The following COL4A3 variants were observed in gnomAD, a reference collection of about 807,000 sequenced individuals.
COL4A3 encodes the protein collagen alpha-3(IV) chain.
A neutral mutation model predicts 217.4 loss-of-function variants in COL4A3; 135 were observed. That is an observed-to-expected ratio of 0.62 (90% CI 0.54 to 0.72). The LOEUF is 0.72. COL4A3 is among the 30% of genes least tolerant of loss of function. COL4A3 has a pLI of 0.00. For synonymous variants in COL4A3, 690 were observed against 736.3 expected, an observed-to-expected ratio of 0.94 and a Z score of 1.02; for missense variants, 1,868 against 2,119.9, an observed-to-expected ratio of 0.88 and a Z score of 2.33.
In COL4A3 at chr2:227,269,447, T is replaced by C. The variant is rs182110981; in HGVS notation, c.1505-463T>C. On this transcript the variant is annotated intron_variant, in intron 23 of 51. Transcript: ENST00000396578. Reference sequence around the variant, plus strand: ...CATGCAGCCATTTAAAATGAAGCTATAAATTCATACTTATTGACATATGTA... The same window carrying C: ...CATGCAGCCATTTAAAATGAAGCTACAAATTCATACTTATTGACATATGTA... Among the ~76,000 whole-genome samples, 123 of 152,304 alleles carry C rather than the reference T, an allele frequency of 8.1e-4. No individual in the cohort carries two copies. In the East Asian group the frequency reaches 0.021, roughly 26 times the overall value.
At position 227,244,997 on chromosome 2, in the gene COL4A3, T is replaced by C; in HGVS notation, c.324+2T>C. On this transcript the variant is annotated splice_donor_variant, in intron 5 of 51. Coordinates refer to ENST00000396578, the MANE Select transcript of COL4A3 (RefSeq NM_000091.5). LOFTEE classifies it high-confidence loss of function. ...TTTTCTGGTTCTCCTGGACTTCCAG[T>C]AAGTAATGGGAAAAATCCGTAGCTA... The C allele has an allele frequency of 6.2e-7, 1 of 1,612,844 alleles. No homozygotes were observed. Among genetic ancestry groups the C allele is most frequent in the Non-Finnish European group, 8.5e-7 (1 of 1,179,060 alleles).
At chr2:227,264,374 C>T (rs1239356421) in intron 21 of COL4A3, among the ~76,000 whole-genome samples, 2 of 152,192 alleles carry the variant, frequency 1.3e-5, no homozygotes, top group Non-Finnish European at 2.9e-5. Flanking sequence ...CATCCTCCCA[C>T]TTCCAGGCTG....
chr2:227,184,117 G>A (rs2065940691), intron 1 of COL4A3, among the ~76,000 whole-genome samples: 1 of 152,144 alleles, frequency 6.6e-6, no homozygotes, highest in Non-Finnish European at 1.5e-5. Flanking sequence ...ACAATAGTCT[G>A]GCCAGCAGAA....
intron 38 of COL4A3, chr2:227,294,225 A>C (rs1032070462): frequency 2.2e-6 from 1 of 449,286 alleles, no homozygotes; most frequent in Non-Finnish European, 4.0e-6. Flanking sequence ...ATTTGCATTT[A>C]ACTCGCAATT....
intron 1 of COL4A3, among the ~76,000 whole-genome samples, chr2:227,198,676 C>A (rs1015457524): frequency 6.6e-6 from 1 of 152,068 alleles, no homozygotes; most frequent in Non-Finnish European, 1.5e-5. Context: ...GAATTCCCAT[C>A]ATGGTGGTAG....
In COL4A3 at chr2:227,289,999, GC is replaced by G; in HGVS notation, c.2985del (p.Arg996GlufsTer158). The G allele has an allele frequency of 1.2e-6, 2 of 1,613,944 alleles. No individual in the cohort carries two copies. Among genetic ancestry groups the G allele is most frequent in the Non-Finnish European group, 1.7e-6 (2 of 1,179,842 alleles). On this transcript the variant is annotated frameshift_variant and splice_region_variant, in exon 36 of 52. Coordinates refer to ENST00000396578, the MANE Select transcript of COL4A3 (RefSeq NM_000091.5). LOFTEE classifies it high-confidence loss of function. ...KGLPGPAGPP[G>X]PRGDLGSTGN... ...CAATAACTACTTATTTGTTCTCAAGGCCCCAGAGGAGATTTGGGCAGCACTG... is the reference window on the plus strand; with the variant it reads ...CAATAACTACTTATTTGTTCTCAAGGCCCAGAGGAGATTTGGGCAGCACTG...
At chr2:227,195,944 TAAAC>T (rs982533030) in intron 1 of COL4A3, among the ~76,000 whole-genome samples, 5 of 151,458 alleles carry the variant, frequency 3.3e-5, no homozygotes. Context: ...AATAAATAAA[TAAAC>T]AATTTAAAAA....
At chr2:227,243,753 T>G (rs1291021464) in intron 3 of COL4A3, among the ~76,000 whole-genome samples, 1 of 152,266 alleles carries the variant, frequency 6.6e-6, no homozygotes, top group Non-Finnish European at 1.5e-5. Flanking sequence ...CGAAACTGAA[T>G]GCATTACATG....
chr2:227,170,056 A>G (rs1212205709), intron 1 of COL4A3, among the ~76,000 whole-genome samples: 1 of 152,164 alleles, frequency 6.6e-6, no homozygotes, highest in Non-Finnish European at 1.5e-5. Context: ...AGGTCCATCA[A>G]AGATTTCTGT....
chr2:227,267,176 C>A, intron 23 of COL4A3, 88 bp downstream of exon 23: 6 of 932,464 alleles, frequency 6.4e-6, no homozygotes, highest in Non-Finnish European at 1.1e-5. Context: ...TGGTGGATGT[C>A]ACAACGTGGT....
chr2:227,285,964 T>C (rs1020726735), intron 34 of COL4A3, among the ~76,000 whole-genome samples: 2 of 152,224 alleles, frequency 1.3e-5, no homozygotes, highest in East Asian at 3.8e-4. Context: ...GACTTAAAGC[T>C]ATTCACTTCA....
At chr2:227,211,713 A>G (rs1186887027) in intron 1 of COL4A3, among the ~76,000 whole-genome samples, 1 of 150,830 alleles carries the variant, frequency 6.6e-6, no homozygotes, top group African/African-American at 2.5e-5. Context: ...GCTGGAGTGC[A>G]GTGGTGCAAT....
rs910343678 is a variant in COL4A3, at chr2:227,253,615, C to G, written c.742C>G (p.Leu248Val). ...ACCACCAGGAACAGTTATTGTGACCCTAACTGGCCCAGATAACAGAACGGT... is the reference window on the plus strand; with the variant it reads ...ACCACCAGGAACAGTTATTGTGACCGTAACTGGCCCAGATAACAGAACGGT... ...PGPPGTVIVT[L>V]TGPDNRTDLK... The change falls in exon 13 of 52, where the codon CTA (leucine) becomes GTA (valine). Residue 248 changes from leucine to valine, a missense_variant. By Grantham distance (32) the Leu-to-Val change is conservative (BLOSUM62 1). Coordinates refer to ENST00000396578, the MANE Select transcript of COL4A3 (RefSeq NM_000091.5). The surrounding 1 kb of genome is among the most constrained non-coding windows in gnomAD (Gnocchi z 4.4). The G allele has an allele frequency of 6.2e-7, 1 of 1,613,938 alleles. No homozygotes were observed. The highest frequency in any genetic ancestry group is 1.3e-5 in the African/African-American group (1 of 74,882).
chr2:227,274,110 A>T (rs111917100), intron 26 of COL4A3, among the ~76,000 whole-genome samples: 9,211 of 151,976 alleles, frequency 0.061, 398 homozygotes, highest in African/African-American at 0.11. Context: ...GGTGGCACAT[A>T]CCCACAGTCC....
intron 23 of COL4A3, chr2:227,268,291 A>G (rs1188492231): frequency 1.3e-5 from 2 of 152,302 alleles, no homozygotes; most frequent in African/African-American, 4.8e-5. Flanking sequence ...AAGCTGAGGC[A>G]TCAGGTGGCA....
intron 32 of COL4A3, among the ~76,000 whole-genome samples, chr2:227,283,081 GAGTC>G (rs2072084028): frequency 6.6e-6 from 1 of 152,002 alleles, no homozygotes; most frequent in Admixed American, 6.6e-5. Flanking sequence ...ATTTCTTCTG[GAGTC>G]AGTTTTGGTA....
chr2:227,235,439 G>A (rs2068638147), intron 1 of COL4A3, among the ~76,000 whole-genome samples: 2 of 152,138 alleles, frequency 1.3e-5, no homozygotes, highest in Admixed American at 6.6e-5. Flanking sequence ...TTCTCAGTCG[G>A]TTACTTTCTC....
intron 1 of COL4A3, among the ~76,000 whole-genome samples, chr2:227,223,563 C>CCCTG (rs1553744628): frequency 2.6e-4 from 40 of 151,366 alleles, no homozygotes; most frequent in Non-Finnish European, 4.3e-4. Context: ...GTGAGACGCC[C>CCCTG]CCCCAACTCT....
At chr2:227,277,661 T>A (rs573035188) in intron 28 of COL4A3, 108 bp downstream of exon 28, 67 of 709,688 alleles carry the variant, frequency 9.4e-5, no homozygotes, top group Non-Finnish European at 1.6e-4. Context: ...AAATAGGATA[T>A]AAGATATAAA....
Sources: allele counts gnomAD v4.1 joint callset (sites outside exome capture counted in the v4.1 genomes callset), GRCh38; gene constraint gnomAD v4.1.1; non-coding constraint Gnocchi (gnomAD v3.1); transcripts MANE v1.5; gene names NCBI Gene and HGNC (gene_info 2026-07-23, HGNC 2026-07-21).